The following TOP2B variants were observed in gnomAD, a reference collection of about 807,000 sequenced individuals.
TOP2B encodes DNA topoisomerase 2-beta.
In TOP2B, 51 loss-of-function variants were observed where a neutral mutation model predicts 193.5. That is an observed-to-expected ratio of 0.26 (90% CI 0.21 to 0.33). The LOEUF (loss-of-function observed/expected upper bound fraction) is 0.33, where lower values mean the gene tolerates loss of function less well. TOP2B is among the 10% of genes least tolerant of loss of function. TOP2B has a pLI of 1.00. For synonymous variants in TOP2B, 634 were observed against 635.7 expected (o/e 1.00, Z 0.04); for missense variants, 1,378 against 1,909.3 (o/e 0.72, Z 5.19).
At chr3:25,599,949 A>G (rs1435355187) in intron 34 of TOP2B, among the ~76,000 whole-genome samples, 2 of 152,240 alleles carry the variant, frequency 1.3e-5, no homozygotes, top group Non-Finnish European at 2.9e-5. Context: ...TTACTAAAAA[A>G]TGTAATCACA....
chr3:25,618,427 T>C lies in TOP2B; in HGVS notation c.3342A>G (p.Ala1114=). Residue 1114 remains alanine, a synonymous_variant, in exon 25 of 36, where the codon GCA becomes GCG. Transcript: ENST00000264331. ...ESDPVKAWKE[A]QEKAAEEDET... is the part of the protein sequence containing the mutation. ...TTCTGCAAATGATTACCTTTTCTTG[T>C]GCTTCTTTCCAGGCTTTCACTGGGT... The C allele has an allele frequency of 6.2e-7, 1 of 1,610,534 alleles. No homozygotes were observed. Among genetic ancestry groups the C allele is most frequent in the Non-Finnish European group, 8.5e-7 (1 of 1,177,196 alleles).
At chr3:25,650,203 G>C (rs1470315487) in intron 1 of TOP2B, among the ~76,000 whole-genome samples, 1 of 152,214 alleles carries the variant, frequency 6.6e-6, no homozygotes, top group Admixed American at 6.5e-5. Context: ...AAAGACTCTG[G>C]TGAAGCTTTC....
In TOP2B at chr3:25,630,011, G is replaced by T; in HGVS notation, c.1689+18C>A. The T allele has an allele frequency of 1.3e-6, 2 of 1,564,444 alleles. No homozygotes were observed. The highest frequency in any genetic ancestry group is 2.3e-5 in the East Asian group (1 of 44,094). On this transcript the variant is annotated intron_variant, in intron 13 of 35. Coordinates refer to ENST00000264331, the MANE Select transcript of TOP2B (RefSeq NM_001330700.2). ...AAGAAGACATGAATTTGAAATATGT[G>T]GTAACTTTAAAACCAACCTGATCGG...
Position 25,601,144 on chromosome 3 carries a change from G to A in TOP2B, c.4571C>T (p.Ser1524Leu), listed in dbSNP as rs374212244. The change falls in exon 34 of 36, where the codon TCG becomes TTG. Residue 1524 changes from serine (S) to leucine (L), a missense_variant. Transcript: ENST00000264331. ...KKVVEAVNSD[S>L]DSEFGIPKKT... ...CTTTGGAATGCCAAATTCTGAATCC[G>A]AGTCAGAGTTTACAGCCTCTACTAC... 38 of 1,613,568 alleles carry A rather than the reference G, an allele frequency of 2.4e-5. No homozygotes were observed. The highest frequency in any genetic ancestry group is 2.2e-5 in the East Asian group (1 of 44,892).
chr3:25,664,158 C>A (rs1704010797), intron 1 of TOP2B, 71 bp downstream of exon 1: 2 of 1,529,538 alleles, frequency 1.3e-6, no homozygotes, highest in African/African-American at 2.8e-5. Flanking sequence ...CCTCCCCCGC[C>A]CGTTCGGAAT....
intron 4 of TOP2B, among the ~76,000 whole-genome samples, chr3:25,641,864 CA>C (rs1353020050): frequency 6.6e-6 from 1 of 151,794 alleles, no homozygotes; most frequent in Non-Finnish European, 1.5e-5. Flanking sequence ...TCATTCTATG[CA>C]AAAAAATAAT....
chr3:25,624,647 T>A (rs575096522), intron 19 of TOP2B, 35 bp downstream of exon 19: 1 of 1,607,338 alleles, frequency 6.2e-7, no homozygotes, highest in Non-Finnish European at 8.5e-7. Context: ...AGACAATAAT[T>A]ACAGTTCTCA....
chr3:25,611,195 T>C (rs1335581040), intron 28 of TOP2B, among the ~76,000 whole-genome samples: 2 of 152,140 alleles, frequency 1.3e-5, no homozygotes, highest in South Asian at 2.1e-4. Context: ...ATAAGGTTAC[T>C]TGAGGGGACC....
intron 18 of TOP2B, 42 bp downstream of exon 18, chr3:25,626,518 A>G: frequency 9.0e-7 from 1 of 1,109,594 alleles, no homozygotes; most frequent in Non-Finnish European, 1.3e-6. Context: ...ATTAAACTAT[A>G]GTAAATAACA....
chr3:25,640,956 G>GT (rs1029496432), intron 4 of TOP2B, among the ~76,000 whole-genome samples: 1 of 151,788 alleles, frequency 6.6e-6, no homozygotes, highest in South Asian at 2.1e-4. Context: ...TTGTTTGTTT[G>GT]TTTTTTGTAG....
At chr3:25,624,850 G>T (rs1322591195) in intron 18 of TOP2B, 47 bp from the exon 19 acceptor site, 1 of 1,570,474 alleles carries the variant, frequency 6.4e-7, no homozygotes, top group Admixed American at 1.9e-5. Context: ...AGATATAGTT[G>T]TAACAATTCA....
intron 33 of TOP2B, among the ~76,000 whole-genome samples, chr3:25,603,233 T>C (rs959006323): frequency 6.6e-6 from 1 of 152,166 alleles, no homozygotes; most frequent in African/African-American, 2.4e-5. Flanking sequence ...AAGGTGCTTT[T>C]TGATTGTTCT....
intron 20 of TOP2B, 34 bp from the exon 21 acceptor site, chr3:25,623,780 G>T: frequency 1.4e-6 from 2 of 1,433,618 alleles, no homozygotes; most frequent in Non-Finnish European, 1.9e-6. Flanking sequence ...ATGAAAAAAT[G>T]TCATGGCTTT....
intron 1 of TOP2B, among the ~76,000 whole-genome samples, chr3:25,648,659 C>A (rs559735985): frequency 1.3e-5 from 2 of 152,230 alleles, no homozygotes; most frequent in Admixed American, 6.5e-5. Context: ...AGCTCAAAAC[C>A]AGTCTGTGCA....
In TOP2B at chr3:25,664,613, C is replaced by A; in HGVS notation, c.-316G>T. On this transcript the variant is annotated 5_prime_UTR_variant, in exon 1 of 36. Coordinates refer to ENST00000264331, the MANE Select transcript of TOP2B (RefSeq NM_001330700.2). ...TGCCTTCTCGCCCGCCCGCGGGCGC[C>A]GCTGCAGGCCGGGCTGAAGCCCGGG... 4 of 995,998 alleles carry A rather than the reference C, an allele frequency of 4.0e-6. No individual in the cohort carries two copies. Among genetic ancestry groups the A allele is most frequent in the Non-Finnish European group, 4.8e-6 (4 of 837,566 alleles). The allele number at this position is 995,998 out of a possible 1,614,324, so 61.7% of individuals were successfully genotyped here.
chr3:25,632,267 A>G (rs1034354626), intron 10 of TOP2B, among the ~76,000 whole-genome samples, 179 bp downstream of exon 10: 1 of 152,068 alleles, frequency 6.6e-6, no homozygotes, highest in Non-Finnish European at 1.5e-5. Flanking sequence ...CAATTGTTTT[A>G]GGAAACATTA....
At chr3:25,627,422 A>ATATTTTTTTTTTTTTTTTTTTTTTT in intron 15 of TOP2B, 126 bp from the exon 16 acceptor site, 1 of 514,326 alleles carries the variant, frequency 1.9e-6, no homozygotes, top group Non-Finnish European at 3.4e-6. Context: ...TAAGTGATCA[A>ATATTTTTTTTTTTTTTTTTTTTTTT]TCTTAATAAG....
chr3:25,599,123 A>C (rs775584859), intron 35 of TOP2B, among the ~76,000 whole-genome samples: 3 of 152,320 alleles, frequency 2.0e-5, no homozygotes, highest in Non-Finnish European at 2.9e-5. Context: ...AGTTAAAAGG[A>C]AACAGTCTTT....
rs1702717238 is a variant in TOP2B at position 25,623,526 on chromosome 3, G to A, written c.2716C>T (p.Pro906Ser). The change falls in exon 21 of 36, where the codon CCT becomes TCT. Residue 906 changes from proline (P) to serine (S), a missense_variant. Physicochemically the swap from Pro to Ser is moderately conservative, Grantham distance 74. Around this residue, in one of 9 missense-constraint regions of TOP2B, gnomAD observed 379 missense variants for 615.1 expected, o/e 0.62. Transcript: ENST00000264331. ...NVRRMLDGLD[P>S]HPMLPNYKNF... The stretch of plus-strand genomic sequence containing the variant: ...TTCCAAATAATTACCATGGGATGAG[G>A]ATCCAGGCCATCTAGCATTCGTCTG... 1.9e-6 allele frequency: 3 copies of A among 1,613,628 alleles called. No individual in the cohort carries two copies. The East Asian group carries it at 6.7e-5, about 36-fold the overall frequency.
Sources: gnomAD v4.1 joint callset for allele counts (sites outside exome capture counted in the v4.1 genomes callset) on GRCh38, gnomAD v4.1.1 for gene constraint, gnomAD v4.1.1 regional missense constraint, MANE v1.5 for transcripts, NCBI Gene and HGNC (gene_info 2026-07-23, HGNC 2026-07-21) for gene names.